Variants in ADGRL3 observed in about 807,000 individuals in gnomAD.
ADGRL3 encodes calcium-independent alpha-latrotoxin receptor 3.
A neutral mutation model predicts 153.5 loss-of-function variants in ADGRL3; 62 were observed. The ratio of observed to expected loss-of-function variants is 0.40; its 90% CI spans 0.33 to 0.50. The LOEUF (loss-of-function observed/expected upper bound fraction) is 0.50. ADGRL3 is among the 20% of genes least tolerant of loss of function. The pLI is 0.47. For missense variants in ADGRL3, 1,641 were observed against 1,859.4 expected (o/e 0.88, Z 2.16); for synonymous variants, 710 against 672.5 (o/e 1.06, Z -0.86).
chr4:61,734,271 C>A (rs1014290432), intron 8 of ADGRL3, among the ~76,000 whole-genome samples: 1 of 151,678 alleles, frequency 6.6e-6, no homozygotes, highest in South Asian at 2.1e-4. Context: ...TTTATGTACT[C>A]AACTGAACAC....
At chr4:61,268,102 C>T (rs913778603) in intron 1 of ADGRL3, among the ~76,000 whole-genome samples, 5 of 151,600 alleles carry the variant, frequency 3.3e-5, no homozygotes, top group Admixed American at 6.6e-5. Context: ...TTCTCAAACA[C>T]GGATTCAAGT....
chr4:61,835,802 G>C (rs1431353758), intron 9 of ADGRL3, among the ~76,000 whole-genome samples: 7 of 152,128 alleles, frequency 4.6e-5, no homozygotes, highest in African/African-American at 1.7e-4. Context: ...GCCAAGAATT[G>C]AACCTGGGCC....
intron 6 of ADGRL3, among the ~76,000 whole-genome samples, chr4:61,708,220 T>C: frequency 6.6e-6 from 1 of 152,184 alleles, no homozygotes; most frequent in East Asian, 1.9e-4. Flanking sequence ...GTGCCAACAA[T>C]GAATGTCACT....
rs575663320 is a variant in ADGRL3, at chr4:61,974,617, G to A, written c.2806-4946G>A. Among the ~76,000 whole-genome samples, 160 of 152,202 alleles carry A rather than the reference G, an allele frequency of 1.1e-3. 1 individual carries two copies. The highest frequency in any genetic ancestry group is 3.6e-3 in the African/African-American group (148 of 41,554). On this transcript the variant is annotated intron_variant, in intron 17 of 26. Coordinates refer to ENST00000683033, the MANE Select transcript of ADGRL3 (RefSeq NM_001387552.1). ...GAAGCCTCAGTTATTTTACTGCTTT[G>A]TGGATAAGGCTTCTGATACTTGAAG...
At chr4:61,340,617 C>A (rs892097368) in intron 1 of ADGRL3, among the ~76,000 whole-genome samples, 4 of 152,068 alleles carry the variant, frequency 2.6e-5, no homozygotes, top group African/African-American at 9.7e-5. Flanking sequence ...TTATATCAGT[C>A]TATCTCTCTT....
intron 8 of ADGRL3, among the ~76,000 whole-genome samples, chr4:61,737,420 A>T (rs963807401): frequency 1.3e-5 from 2 of 152,176 alleles, no homozygotes; most frequent in African/African-American, 4.8e-5. Flanking sequence ...CTCTGGTGAC[A>T]CTTGGTGATG....
At chr4:61,780,002 T>C (rs1335447491) in intron 8 of ADGRL3, among the ~76,000 whole-genome samples, 3 of 152,164 alleles carry the variant, frequency 2.0e-5, no homozygotes, top group Non-Finnish European at 2.9e-5. Flanking sequence ...TTATGGTGAT[T>C]CTGGGTTTGG....
chr4:61,250,907 A>G (rs1404143452), intron 1 of ADGRL3, among the ~76,000 whole-genome samples: 1 of 152,218 alleles, frequency 6.6e-6, no homozygotes, highest in Admixed American at 6.5e-5. Context: ...AAAATCATAA[A>G]TATGAAGCCT....
rs575563734 is a variant in ADGRL3, at chr4:62,017,322, A to T, written c.3396-11533A>T. Among the ~76,000 whole-genome samples the T allele has an allele frequency of 1.3e-3, 198 of 151,980 alleles. 2 individuals carry two copies. The South Asian group carries it at 0.015, about 11-fold the overall frequency. Reference sequence around the variant, plus strand: ...TAATATTTGCTATGAATTTTTTTTTAAAAAATGAATGATTCCACCAAGTTA... The same window carrying T: ...TAATATTTGCTATGAATTTTTTTTTTAAAAATGAATGATTCCACCAAGTTA... On this transcript the variant is annotated intron_variant, in intron 21 of 26. Transcript: ENST00000683033.
intron 11 of ADGRL3, among the ~76,000 whole-genome samples, chr4:61,903,120 G>GT (rs2098674060): frequency 6.6e-6 from 1 of 152,150 alleles, no homozygotes. Flanking sequence ...TATAAAAAAT[G>GT]TTTTTTCTTC....
chr4:61,494,663 G>A (rs368966557), intron 2 of ADGRL3, among the ~76,000 whole-genome samples: 32 of 152,054 alleles, frequency 2.1e-4, no homozygotes, highest in South Asian at 1.9e-3. Context: ...CTTAGTTTCT[G>A]TTTTATCTCA....
At chr4:61,374,425 T>C (rs2096579295) in intron 1 of ADGRL3, among the ~76,000 whole-genome samples, 1 of 152,184 alleles carries the variant, frequency 6.6e-6, no homozygotes, top group African/African-American at 2.4e-5. Context: ...TGCCTTTTTT[T>C]TTCACAAACA....
chr4:61,844,743 T>G (rs1300945867), intron 9 of ADGRL3, among the ~76,000 whole-genome samples: 1 of 151,618 alleles, frequency 6.6e-6, no homozygotes, highest in African/African-American at 2.4e-5. Context: ...CTTGCCTTAA[T>G]GCAGACTCTG....
chr4:61,726,504 C>T (rs2096349683), intron 6 of ADGRL3, among the ~76,000 whole-genome samples: 1 of 151,992 alleles, frequency 6.6e-6, no homozygotes, highest in Non-Finnish European at 1.5e-5. Context: ...CAGCCTGGAA[C>T]ATTTTTTATT....
chr4:61,430,549 A>G (rs1291000089), intron 2 of ADGRL3, among the ~76,000 whole-genome samples: 1 of 152,096 alleles, frequency 6.6e-6, no homozygotes, highest in Admixed American at 6.5e-5. Flanking sequence ...ATTTATTTCT[A>G]TTTTTCATTC....
chr4:61,706,214 G>C (rs1441833615), intron 6 of ADGRL3, among the ~76,000 whole-genome samples: 1 of 152,044 alleles, frequency 6.6e-6, no homozygotes, highest in Non-Finnish European at 1.5e-5. Context: ...AAGGTCAGGA[G>C]TTCGAGACCA....
intron 17 of ADGRL3, among the ~76,000 whole-genome samples, chr4:61,978,138 G>A (rs1292508334): frequency 6.6e-6 from 1 of 152,130 alleles, no homozygotes; most frequent in African/African-American, 2.4e-5. Context: ...ACAAAAGTCA[G>A]TGTGTATGAT....
At chr4:61,875,739 A>G (rs538148267) in intron 9 of ADGRL3, among the ~76,000 whole-genome samples, 2 of 152,330 alleles carry the variant, frequency 1.3e-5, no homozygotes, top group Non-Finnish European at 2.9e-5. Flanking sequence ...ACAAATAACT[A>G]GAGTTCTTTT....
intron 8 of ADGRL3, among the ~76,000 whole-genome samples, chr4:61,778,115 T>A (rs2097174039): frequency 6.6e-6 from 1 of 152,246 alleles, no homozygotes; most frequent in Non-Finnish European, 1.5e-5. Context: ...AAACTTTGTT[T>A]CATGCACAAA....
Sources: gnomAD v4.1 joint callset for allele counts (sites outside exome capture counted in the v4.1 genomes callset) on GRCh38, gnomAD v4.1.1 for gene constraint, MANE v1.5 for transcripts, NCBI Gene and HGNC (gene_info 2026-07-23, HGNC 2026-07-21) for gene names.